The following DOCK3 variants were observed in gnomAD, a reference collection of about 807,000 sequenced individuals.
DOCK3 encodes the protein dedicator of cytokinesis 3.
In DOCK3, 60 loss-of-function variants were observed where a neutral mutation model predicts 265.6. The ratio of observed to expected loss-of-function variants is 0.23; its 90% CI spans 0.18 to 0.28. The LOEUF (loss-of-function observed/expected upper bound fraction) is 0.28. DOCK3 is among the 10% of genes least tolerant of loss of function. DOCK3 has a pLI of 1.00. For synonymous variants in DOCK3, 881 were observed against 938.0 expected, an observed-to-expected ratio of 0.94 and a Z score of 1.11; for missense variants, 1,981 against 2,594.3, an observed-to-expected ratio of 0.76 and a Z score of 5.14.
chr3:50,882,246 A>G (rs1457416469), intron 3 of DOCK3, among the ~76,000 whole-genome samples: 1 of 152,254 alleles, frequency 6.6e-6, no homozygotes, highest in African/African-American at 2.4e-5. Context: ...CAGTGGCAAC[A>G]AAAGCCAAAA....
In DOCK3 at chr3:51,350,171, A is replaced by G. The variant is rs2085880925; in HGVS notation, c.4003-117A>G. On this transcript the variant is annotated intron_variant, in intron 39 of 52. Transcript: ENST00000266037. The stretch of plus-strand genomic sequence containing the variant: ...ATGTCTAGAGGCTCACTTACTTCTT[A>G]TCTAGATTGAGTTGCCATGATCCCT... 8.4e-6 allele frequency: 7 copies of G among 835,986 alleles called. No homozygotes were observed. The Admixed American group carries it at 1.0e-4, about 12-fold the overall frequency. The allele number at this position is 835,986 out of a possible 1,614,324, so 51.8% of individuals were successfully genotyped here.
chr3:50,716,946 C>G (rs1326713165), intron 1 of DOCK3, among the ~76,000 whole-genome samples: 1 of 152,128 alleles, frequency 6.6e-6, no homozygotes. Context: ...ACAATACTAG[C>G]AAATATTAAT....
intron 3 of DOCK3, among the ~76,000 whole-genome samples, chr3:50,887,844 A>G (rs1192077712): frequency 2.7e-5 from 4 of 150,852 alleles, no homozygotes; most frequent in African/African-American, 9.8e-5. Flanking sequence ...TCAATAAACT[A>G]TACCGATTGA....
At chr3:50,998,614 A>G (rs181620878) in intron 5 of DOCK3, among the ~76,000 whole-genome samples, 171 of 152,334 alleles carry the variant, frequency 1.1e-3, no homozygotes, top group Non-Finnish European at 1.8e-3. Flanking sequence ...GTAAAAAATC[A>G]TAGCATCGTT....
intron 1 of DOCK3, among the ~76,000 whole-genome samples, chr3:50,735,370 G>C (rs2038522465): frequency 6.6e-6 from 1 of 152,028 alleles, no homozygotes; most frequent in Admixed American, 6.6e-5. Flanking sequence ...TTGAGATGGA[G>C]TCTCTGTCAC....
chr3:51,270,217 A>T (rs1198962529), intron 23 of DOCK3, among the ~76,000 whole-genome samples: 2 of 152,150 alleles, frequency 1.3e-5, no homozygotes, highest in African/African-American at 4.8e-5. Context: ...CACATTTCCC[A>T]TCCTCTTGAA....
At chr3:51,009,608 T>G (rs912913239) in intron 5 of DOCK3, among the ~76,000 whole-genome samples, 1 of 152,218 alleles carries the variant, frequency 6.6e-6, no homozygotes, top group Non-Finnish European at 1.5e-5. Flanking sequence ...TTTTTGTATC[T>G]CTATCTCCTT....
At chr3:51,357,652 C>G in intron 44 of DOCK3, 106 bp from the exon 45 acceptor site, 2 of 1,060,564 alleles carry the variant, frequency 1.9e-6, no homozygotes, top group East Asian at 2.5e-5. Flanking sequence ...TATGAGGAGA[C>G]AGCCTGGCTG....
chr3:51,323,809 G>C (rs2083903293), intron 32 of DOCK3, among the ~76,000 whole-genome samples: 2 of 152,112 alleles, frequency 1.3e-5, no homozygotes, highest in Non-Finnish European at 2.9e-5. Flanking sequence ...TCAAAAGCTA[G>C]CAGAAGACAA....
At chr3:51,285,306 T>A (rs1181617558) in intron 27 of DOCK3, among the ~76,000 whole-genome samples, 3 of 151,636 alleles carry the variant, frequency 2.0e-5, no homozygotes, top group Non-Finnish European at 4.4e-5. Flanking sequence ...TAAATAGGAG[T>A]ATATTTCAAA....
At chr3:51,218,284 A>C (rs563221559) in intron 14 of DOCK3, among the ~76,000 whole-genome samples, 1 of 152,162 alleles carries the variant, frequency 6.6e-6, no homozygotes, top group South Asian at 2.1e-4. Context: ...AAATGCAAAA[A>C]TTAGCCGGGC....
intron 5 of DOCK3, among the ~76,000 whole-genome samples, chr3:51,023,208 A>T (rs2079668447): frequency 1.3e-5 from 2 of 150,126 alleles, no homozygotes; most frequent in African/African-American, 4.9e-5. Flanking sequence ...TGGCCATTTT[A>T]TATAATCTCA....
At chr3:51,009,139 C>T (rs878961001) in intron 5 of DOCK3, among the ~76,000 whole-genome samples, 1 of 152,016 alleles carries the variant, frequency 6.6e-6, no homozygotes, top group Non-Finnish European at 1.5e-5. Context: ...CATAAAATGA[C>T]TTAGGGATGA....
At chr3:51,325,485 A>G (rs761458231) in intron 32 of DOCK3, among the ~76,000 whole-genome samples, 5 of 152,208 alleles carry the variant, frequency 3.3e-5, no homozygotes, top group Non-Finnish European at 7.3e-5. Flanking sequence ...TACTTCAACC[A>G]TTGTGGAAGA....
intron 9 of DOCK3, among the ~76,000 whole-genome samples, chr3:51,103,325 A>G (rs1407824765): frequency 6.6e-6 from 1 of 152,208 alleles, no homozygotes; most frequent in Non-Finnish European, 1.5e-5. Flanking sequence ...CTCATGCACA[A>G]AAAAGGGAAT....
At chr3:50,682,034 A>G (rs1396026078) in intron 1 of DOCK3, among the ~76,000 whole-genome samples, 1 of 152,250 alleles carries the variant, frequency 6.6e-6, no homozygotes, top group Non-Finnish European at 1.5e-5. Flanking sequence ...GTAGTTTCTT[A>G]TAAGTCCTTG....
In DOCK3 at chr3:51,321,131, A is replaced by G. The variant is rs974475326; in HGVS notation, c.3402+6003A>G. 3.3e-5 allele frequency among the ~76,000 whole-genome samples: 5 copies of G among 152,302 alleles called. No homozygotes were observed. The South Asian group carries it at 1.0e-3, about 32-fold the overall frequency. On this transcript the variant is annotated intron_variant, in intron 32 of 52. Coordinates refer to ENST00000266037, the MANE Select transcript of DOCK3 (RefSeq NM_004947.5). ...TGGGATGAAGCTTCCAGAGGAATGA[A>G]CAGACAGCAAACTTTGCTGTTCTGC...
chr3:51,205,877 G>A (rs1248010319), intron 12 of DOCK3, among the ~76,000 whole-genome samples: 4 of 152,324 alleles, frequency 2.6e-5, no homozygotes, highest in Middle Eastern at 3.4e-3. Flanking sequence ...AGCCAGTCAT[G>A]AGTAGACTGC....
At chr3:50,818,117 A>G (rs2044196523) in intron 2 of DOCK3, among the ~76,000 whole-genome samples, 1 of 152,182 alleles carries the variant, frequency 6.6e-6, no homozygotes, top group South Asian at 2.1e-4. Context: ...GCCTTGTCCA[A>G]ATTCTCTAGG....
Sources: gnomAD v4.1 joint callset for allele counts (sites outside exome capture counted in the v4.1 genomes callset) on GRCh38, gnomAD v4.1.1 for gene constraint, MANE v1.5 for transcripts, NCBI Gene and HGNC (gene_info 2026-07-23, HGNC 2026-07-21) for gene names.